Variants in RYR3 observed in about 807,000 individuals in gnomAD.
RYR3 encodes ryanodine receptor 3.
In RYR3, 207 loss-of-function variants were observed where a neutral mutation model predicts 584.3. The ratio of observed to expected loss-of-function variants is 0.35; its 90% CI spans 0.32 to 0.40. RYR3 has a LOEUF of 0.40. Ranked by LOEUF, RYR3 falls within the 10% of genes least tolerant of loss-of-function variation. The pLI is 1.00. For synonymous variants in RYR3, 2,416 were observed against 2,248.5 expected, an observed-to-expected ratio of 1.07 and a Z score of -2.11; for missense variants, 5,616 against 6,089.2, an observed-to-expected ratio of 0.92 and a Z score of 2.59.
chr15:33,790,359 G>A (rs1487107549), intron 67 of RYR3, among the ~76,000 whole-genome samples: 1 of 152,076 alleles, frequency 6.6e-6, no homozygotes, highest in Non-Finnish European at 1.5e-5. Flanking sequence ...GGCCAAGATG[G>A]TAGCAGTGAA....
At chr15:33,769,535 T>C (rs1009494649) in intron 62 of RYR3, among the ~76,000 whole-genome samples, 1 of 125,054 alleles carries the variant, frequency 8.0e-6, no homozygotes, top group Admixed American at 7.9e-5. Context: ...AGGAAGGAAA[T>C]GCACAGAGAT....
intron 60 of RYR3, chr15:33,757,843 AC>A: frequency 2.0e-6 from 1 of 510,006 alleles, no homozygotes; most frequent in Non-Finnish European, 3.5e-6. Context: ...CAACATCGGG[AC>A]AGAGATTAAG....
chr15:33,606,487 A>G (rs2059912120), intron 18 of RYR3, among the ~76,000 whole-genome samples: 1 of 152,184 alleles, frequency 6.6e-6, no homozygotes, highest in African/African-American at 2.4e-5. Context: ...TGGAAGTATG[A>G]ATGAGCTTTT....
chr15:33,480,681 T>G (rs548460915), intron 2 of RYR3, among the ~76,000 whole-genome samples: 1 of 152,356 alleles, frequency 6.6e-6, no homozygotes, highest in South Asian at 2.1e-4. Context: ...TTACTAATTT[T>G]TATTTTAATT....
intron 62 of RYR3, among the ~76,000 whole-genome samples, chr15:33,769,766 C>A (rs2073414623): frequency 6.6e-6 from 1 of 151,870 alleles, no homozygotes; most frequent in South Asian, 2.1e-4. Flanking sequence ...CCAGCCTGGG[C>A]AACATGGTGA....
chr15:33,859,276 G>T (rs760363125), intron 99 of RYR3, among the ~76,000 whole-genome samples: 13 of 152,310 alleles, frequency 8.5e-5, no homozygotes, highest in Middle Eastern at 3.4e-3. Flanking sequence ...TTATTATATG[G>T]CATAGGCCAT....
rs185847362 is a variant in RYR3 at position 33,806,689 on chromosome 15, G to A, written c.10012-866G>A. On this transcript the variant is annotated intron_variant, in intron 69 of 103. Transcript: ENST00000634891. ...AGAAGGGAAACGCTCCATCTTTTAG[G>A]TTTTTTGGTGATTCTGAATCACTTT... is the stretch of plus-strand genomic sequence containing the variant. 2.9e-3 allele frequency among the ~76,000 whole-genome samples: 438 copies of A among 151,944 alleles called. 3 individuals are homozygous for A. Among genetic ancestry groups the A allele is most frequent in the Non-Finnish European group, 5.1e-3 (349 of 67,980 alleles).
chr15:33,647,008 C>T (rs776049242), intron 29 of RYR3, among the ~76,000 whole-genome samples: 17 of 152,154 alleles, frequency 1.1e-4, no homozygotes, highest in Non-Finnish European at 2.5e-4. Flanking sequence ...TTTCTTTCCC[C>T]TGATGTCTAT....
chr15:33,454,921 T>C (rs986553896), intron 1 of RYR3, among the ~76,000 whole-genome samples: 1 of 152,156 alleles, frequency 6.6e-6, no homozygotes, highest in Admixed American at 6.5e-5. Flanking sequence ...ACCTGAACGT[T>C]ATTGGCAAAC....
chr15:33,435,443 G>A (rs1450204516), intron 1 of RYR3, among the ~76,000 whole-genome samples: 2 of 152,150 alleles, frequency 1.3e-5, no homozygotes, highest in Non-Finnish European at 2.9e-5. Flanking sequence ...TCAGTGTATA[G>A]TTTGGGGCTC....
At chr15:33,396,854 GC>G (rs1175678918) in intron 1 of RYR3, among the ~76,000 whole-genome samples, 1 of 152,142 alleles carries the variant, frequency 6.6e-6, no homozygotes, top group Non-Finnish European at 1.5e-5. Flanking sequence ...TTTAGAGAGG[GC>G]CTTTTCTCCT....
chr15:33,322,324 G>A (rs1159078478), intron 1 of RYR3, among the ~76,000 whole-genome samples: 1 of 152,186 alleles, frequency 6.6e-6, no homozygotes, highest in Non-Finnish European at 1.5e-5. Flanking sequence ...CAAAGCAAGA[G>A]CGAGCATGTC....
intron 48 of RYR3, among the ~76,000 whole-genome samples, chr15:33,735,948 C>T (rs923979141): frequency 6.6e-6 from 1 of 152,218 alleles, no homozygotes; most frequent in Non-Finnish European, 1.5e-5. Flanking sequence ...ATTCTTTGCA[C>T]ATAATCAGTG....
intron 1 of RYR3, among the ~76,000 whole-genome samples, chr15:33,401,756 A>G (rs1409761306): frequency 6.6e-6 from 1 of 152,210 alleles, no homozygotes; most frequent in African/African-American, 2.4e-5. Flanking sequence ...TATGGATGAC[A>G]AATCCTATAT....
rs554688996 is a variant in RYR3, at chr15:33,719,329, G to A, written c.6620-3386G>A. On this transcript the variant is annotated intron_variant, in intron 43 of 103. Coordinates refer to ENST00000634891, the MANE Select transcript of RYR3 (RefSeq NM_001036.6). ...AATGAATTTCAATCGCAAGCTCAACGTAGAACTCACAGTCTGATTTTTCAA... is the reference window on the plus strand; with the variant it reads ...AATGAATTTCAATCGCAAGCTCAACATAGAACTCACAGTCTGATTTTTCAA... 7.2e-5 allele frequency among the ~76,000 whole-genome samples: 11 copies of A among 152,264 alleles called. No homozygotes were observed. In the East Asian group the frequency reaches 1.5e-3, roughly 21 times the overall value.
At chr15:33,468,670 A>G (rs985389518) in intron 1 of RYR3, among the ~76,000 whole-genome samples, 1 of 152,216 alleles carries the variant, frequency 6.6e-6, no homozygotes, top group Non-Finnish European at 1.5e-5. Flanking sequence ...TTCTGCTCTA[A>G]TAGAGTTTAT....
At chr15:33,782,458 A>G (rs1413780724) in intron 65 of RYR3, among the ~76,000 whole-genome samples, 3 of 152,226 alleles carry the variant, frequency 2.0e-5, no homozygotes, top group Admixed American at 6.5e-5. Flanking sequence ...GCGACACACT[A>G]TGGGACTCTA....
chr15:33,782,614 T>C (rs563203915), intron 65 of RYR3, among the ~76,000 whole-genome samples: 1 of 152,166 alleles, frequency 6.6e-6, no homozygotes, highest in Non-Finnish European at 1.5e-5. Context: ...ACTTCATTCA[T>C]TACAAAGTGG....
rs755621738 is a variant in RYR3 at position 33,812,934 on chromosome 15, T to C, written c.10329T>C (p.Asn3443=). 6.2e-6 allele frequency: 10 copies of C among 1,613,762 alleles called. No homozygotes were observed. In the East Asian group the frequency reaches 2.2e-4, roughly 36 times the overall value. The change falls in exon 73 of 104, where the codon AAT becomes AAC. Residue 3443 remains asparagine (N), a synonymous_variant. Coordinates refer to ENST00000634891, the MANE Select transcript of RYR3 (RefSeq NM_001036.6). ...TTCTGAAGAGTGAAGAACCTTTCAA[T>C]CCGGAAAAGACAGTGGAGCGTGTGC... The part of the protein sequence containing the change: ...KDVLKSEEPF[N]PEKTVERVQR...
Sources: gnomAD v4.1 joint callset for allele counts (sites outside exome capture counted in the v4.1 genomes callset) on GRCh38, gnomAD v4.1.1 for gene constraint, MANE v1.5 for transcripts, NCBI Gene and HGNC (gene_info 2026-07-23, HGNC 2026-07-21) for gene names.